Variants in TMC8 observed in about 807,000 individuals in gnomAD.
TMC8 encodes the protein transmembrane channel like 8.
A neutral mutation model predicts 76.0 loss-of-function variants in TMC8; 71 were observed. That is an observed-to-expected ratio of 0.93 (90% CI 0.77 to 1.14). The LOEUF is 1.14. Among genes scored for constraint, TMC8 ranks in the 50% most tolerant of loss-of-function variants. The probability of loss-of-function intolerance (pLI) is 0.00; values close to 1 mark genes in which losing one functional copy is unlikely to be tolerated. For synonymous variants in TMC8, 433 were observed against 433.8 expected (o/e 1.00, Z 0.02); for missense variants, 924 against 947.9 (o/e 0.97, Z 0.33).
chr17:78,132,515 G>A lies in TMC8; in HGVS notation c.448+7G>A. ...GGCCCCACCCTGAACTTGAGTGAGT[G>A]TGAGGCCCACCAGGGGAAGTGCTCC... On this transcript the variant is annotated splice_region_variant and intron_variant, in intron 4 of 15. Coordinates refer to ENST00000318430, the MANE Select transcript of TMC8 (RefSeq NM_152468.5). The A allele has an allele frequency of 6.2e-7, 1 of 1,607,608 alleles. No individual in the cohort carries two copies. The highest frequency in any genetic ancestry group is 8.5e-7 in the Non-Finnish European group (1 of 1,178,104).
At chr17:78,139,038 G>A (rs2075307741) in intron 14 of TMC8, 124 bp from the exon 15 acceptor site, 4 of 1,578,972 alleles carry the variant, frequency 2.5e-6, no homozygotes, top group Non-Finnish European at 3.4e-6. Flanking sequence ...CTCAGATACA[G>A]CAGTGTGCAG....
At position 78,138,221 on chromosome 17, in the gene TMC8, G is replaced by A. The variant is rs200839821; in HGVS notation, c.1533+33G>A. On this transcript the variant is annotated intron_variant, in intron 12 of 15. Coordinates refer to ENST00000318430, the MANE Select transcript of TMC8 (RefSeq NM_152468.5). ...CTCATGGCTGGGGGGTATGGGGTTC[G>A]TGCCTCTGGGTGGATGCCTTGAGCT... The A allele has an allele frequency of 1.5e-3, 2,372 of 1,613,342 alleles. 2 individuals carry two copies. The highest frequency in any genetic ancestry group is 1.8e-3 in the Non-Finnish European group (2,180 of 1,179,914).
In TMC8 at chr17:78,141,378, G is replaced by A. The variant is rs1439312493; in HGVS notation, c.*266G>A. ...TCTATTAGTATAGTATCTCTTGAAT[G>A]CGATTTTTTCTAGAATGTGTTCTGC... On this transcript the variant is annotated 3_prime_UTR_variant, in exon 16 of 16. Coordinates refer to ENST00000318430, the MANE Select transcript of TMC8 (RefSeq NM_152468.5). 2 of 334,362 alleles carry A rather than the reference G, an allele frequency of 6.0e-6. No homozygotes were observed. Among genetic ancestry groups the A allele is most frequent in the African/African-American group, 4.2e-5 (2 of 47,270 alleles). 20.7% of individuals were successfully genotyped at this position (334,362 alleles called of 1,614,324 possible).
Position 78,138,581 on chromosome 17 carries a change from T to A in TMC8, c.1672T>A (p.Ser558Thr), listed in dbSNP as rs2075295788. 1.9e-6 allele frequency: 3 copies of A among 1,613,702 alleles called. No homozygotes were observed. The South Asian group carries it at 3.3e-5, about 18-fold the overall frequency. ...PLGYVVSSIH[S>T]SWDCGLFTNY... is the part of the protein sequence containing the mutation. ...TTGGCCATCTCTCGCCAGCATCCAC[T>A]CCTCCTGGGACTGCGGCCTCTTCAC... Residue 558 changes from serine (S) to threonine (T), a missense_variant, in exon 14 of 16, where the codon TCC becomes ACC. By Grantham distance (58) the Ser-to-Thr change is moderately conservative. Coordinates refer to ENST00000318430, the MANE Select transcript of TMC8 (RefSeq NM_152468.5).
At chr17:78,136,533 T>C (rs1280161979) in intron 9 of TMC8, 3 of 153,320 alleles carry the variant, frequency 2.0e-5, no homozygotes, top group African/African-American at 7.2e-5. Context: ...AATCACCTAT[T>C]TGGTCTGGTC....
intron 5 of TMC8, 106 bp downstream of exon 5, chr17:78,132,976 G>A (rs114426406): frequency 1.1e-5 from 14 of 1,289,892 alleles, no homozygotes; most frequent in African/African-American, 2.9e-5. Flanking sequence ...GGGACATTTC[G>A]GCTCCTCAGG....
At chr17:78,139,863 T>C (rs2075330888) in intron 15 of TMC8, among the ~76,000 whole-genome samples, 1 of 151,674 alleles carries the variant, frequency 6.6e-6, no homozygotes, top group Non-Finnish European at 1.5e-5. Flanking sequence ...TGAAACCCCG[T>C]CTGTACTAAA....
At chr17:78,132,134 C>T in intron 3 of TMC8, 104 bp downstream of exon 3, 1 of 1,511,482 alleles carries the variant, frequency 6.6e-7, no homozygotes, top group Non-Finnish European at 8.9e-7. Context: ...CACCCGGGTC[C>T]CCCGACCAAT....
chr17:78,132,444 A>T lies in TMC8; in HGVS notation c.384A>T (p.Ala128=). Residue 128 remains alanine, a synonymous_variant, in exon 4 of 16, where the codon GCA becomes GCT. Transcript: ENST00000318430. ...LLNLLSLLLT[A]SFVLLPLVWL... ...ACCTGCTGAGCCTGCTGCTCACCGC[A>T]AGCTTCGTGCTGCTGCCCCTGGTCT... 6.2e-7 allele frequency: 1 copy of T among 1,612,668 alleles called. No homozygotes were observed. The highest frequency in any genetic ancestry group is 8.5e-7 in the Non-Finnish European group (1 of 1,179,618).
At position 78,131,444 on chromosome 17, in the gene TMC8, C is replaced by T; in HGVS notation, c.-145C>T. The T allele has an allele frequency of 8.4e-7, 1 of 1,196,984 alleles. No individual in the cohort carries two copies. The highest frequency in any genetic ancestry group is 1.3e-5 in the South Asian group (1 of 74,986). 74.1% of individuals were successfully genotyped at this position (1,196,984 alleles called of 1,614,324 possible). ...AGGGCTGCAGGAGCCCAGGCCCCGACGCCGGCGCAGAGGGGACGGAAGGGC... is the reference window on the plus strand; with the variant it reads ...AGGGCTGCAGGAGCCCAGGCCCCGATGCCGGCGCAGAGGGGACGGAAGGGC... On this transcript the variant is annotated 5_prime_UTR_variant, in exon 2 of 16. The change creates a new upstream start codon in the 5' untranslated region. Transcript: ENST00000318430.
chr17:78,136,967 C>T (rs2075248947), intron 9 of TMC8: 1 of 435,006 alleles, frequency 2.3e-6, no homozygotes, highest in South Asian at 2.1e-5. Context: ...GCCGAGGTCA[C>T]AACACTGAAC....
chr17:78,134,668 C>CGGTCGTGGCCACA, intron 8 of TMC8, 104 bp downstream of exon 8: 1 of 1,538,990 alleles, frequency 6.5e-7, no homozygotes, highest in East Asian at 2.4e-5. Flanking sequence ...GAGGTTCAAT[C>CGGTCGTGGCCACA]GGTCGTGGCC....
intron 14 of TMC8, 74 bp downstream of exon 14, chr17:78,138,806 C>A: frequency 6.3e-7 from 1 of 1,589,024 alleles, no homozygotes; most frequent in Admixed American, 1.7e-5. Flanking sequence ...GGGTGGTGAG[C>A]CTGTGCACCC....
chr17:78,134,606 G>T (rs762015344), intron 8 of TMC8, 42 bp downstream of exon 8: 14 of 1,609,992 alleles, frequency 8.7e-6, no homozygotes, highest in Non-Finnish European at 1.2e-5. Flanking sequence ...CCAGAACTGC[G>T]GGGGTGAGAC....
chr17:78,140,804 G>A, intron 15 of TMC8, 30 bp from the exon 16 acceptor site: 1 of 1,588,598 alleles, frequency 6.3e-7, no homozygotes, highest in African/African-American at 1.3e-5. Flanking sequence ...AGCAGCGCCT[G>A]TCGCAACTCG....
At chr17:78,132,668 T>TGGCACATCCTC (rs2075053043) in intron 4 of TMC8, 120 bp from the exon 5 acceptor site, 1 of 1,495,530 alleles carries the variant, frequency 6.7e-7, no homozygotes, top group South Asian at 1.1e-5. Context: ...GGCACGCCTT[T>TGGCACATCCTC]GGCACATCCT....
Position 78,137,823 on chromosome 17 carries a change from C to G in TMC8, c.1349+9C>G, listed in dbSNP as rs750856675. 1 of 1,612,368 alleles carries G rather than the reference C, an allele frequency of 6.2e-7. No homozygotes were observed. The highest frequency in any genetic ancestry group is 1.7e-5 in the Admixed American group (1 of 60,022). ...GTCACCCTGCCTCGGAGGTGAGCCC[C>G]GGGGTGACACCTCCAGAAGGGCGGG... On this transcript the variant is annotated intron_variant, in intron 11 of 15. Coordinates refer to ENST00000318430, the MANE Select transcript of TMC8 (RefSeq NM_152468.5).
Position 78,133,474 on chromosome 17 carries a change from C to T in TMC8, c.600C>T (p.Ser200=). The T allele has an allele frequency of 6.8e-6, 11 of 1,613,720 alleles. No individual in the cohort carries two copies. The highest frequency in any genetic ancestry group is 9.3e-6 in the Non-Finnish European group (11 of 1,180,030). ...RVGPESSSVY[S]IRLAYLLSPL... is the part of the protein sequence containing the mutation. ...GGCCGGAGAGCAGCTCCGTGTACAGCATCCGCCTGGCCTACCTCCTCAGCC... is the reference window on the plus strand; with the variant it reads ...GGCCGGAGAGCAGCTCCGTGTACAGTATCCGCCTGGCCTACCTCCTCAGCC... The change falls in exon 6 of 16, where the codon AGC becomes AGT. Residue 200 remains serine (S), a synonymous_variant. Transcript: ENST00000318430.
chr17:78,131,790 C>T (rs1254086873), intron 2 of TMC8, 53 bp downstream of exon 2: 6 of 1,541,520 alleles, frequency 3.9e-6, no homozygotes, highest in Non-Finnish European at 4.4e-6. Flanking sequence ...TGCGAGGCTG[C>T]CCCGTCGGAT....
Sources: allele counts gnomAD v4.1 joint callset (sites outside exome capture counted in the v4.1 genomes callset), GRCh38; gene constraint gnomAD v4.1.1; transcripts MANE v1.5; gene names NCBI Gene and HGNC (gene_info 2026-07-23, HGNC 2026-07-21).